Variants in ZCWPW2 observed in about 807,000 individuals in gnomAD.
ZCWPW2 encodes zinc finger CW-type and PWWP domain containing 2.
A neutral mutation model predicts 46.6 loss-of-function variants in ZCWPW2; 45 were observed. That is an observed-to-expected ratio of 0.96 (90% CI 0.76 to 1.24). ZCWPW2 has a LOEUF of 1.24. Among genes scored for constraint, ZCWPW2 ranks in the 50% most tolerant of loss-of-function variants. The pLI, the probability that ZCWPW2 is intolerant of heterozygous loss-of-function variation, is 0.00. For synonymous variants in ZCWPW2, 152 were observed against 137.1 expected, an observed-to-expected ratio of 1.11 and a Z score of -0.76; for missense variants, 429 against 403.9, an observed-to-expected ratio of 1.06 and a Z score of -0.53.
At chr3:28,436,435 C>T (rs1697503154) in intron 4 of ZCWPW2, among the ~76,000 whole-genome samples, 1 of 149,764 alleles carries the variant, frequency 6.7e-6, no homozygotes, top group Non-Finnish European at 1.5e-5. Flanking sequence ...CTGTGCCCAG[C>T]TGGATGTTTT....
At chr3:28,436,603 A>G (rs1346587409) in intron 4 of ZCWPW2, among the ~76,000 whole-genome samples, 1 of 152,192 alleles carries the variant, frequency 6.6e-6, no homozygotes, top group African/African-American at 2.4e-5. Context: ...AATATATAGT[A>G]AAAACTATGT....
In ZCWPW2 at chr3:28,525,577, A is replaced by G. The variant is rs1450960577; in HGVS notation, c.*889A>G. Among the ~76,000 whole-genome samples the G allele has an allele frequency of 2.0e-5, 3 of 152,140 alleles. No homozygotes were observed. Among genetic ancestry groups the G allele is most frequent in the Non-Finnish European group, 4.4e-5 (3 of 68,012 alleles). ...AAAAACCAAAGCTTGAGGAGAGAAGAAGTGCACGAGAGCATCACCACAGCG... is the reference window on the plus strand; with the variant it reads ...AAAAACCAAAGCTTGAGGAGAGAAGGAGTGCACGAGAGCATCACCACAGCG... On this transcript the variant is annotated 3_prime_UTR_variant, in exon 10 of 10. Transcript: ENST00000383768.
intron 1 of ZCWPW2, among the ~76,000 whole-genome samples, chr3:28,367,635 G>A (rs892041031): frequency 6.6e-6 from 1 of 152,204 alleles, no homozygotes; most frequent in Admixed American, 6.5e-5. Flanking sequence ...ATTTGGGGTG[G>A]AGAGTTCTGT....
In ZCWPW2 at chr3:28,432,322, G is replaced by A. The variant is rs12498121; in HGVS notation, c.333-2788G>A. 7.8e-3 allele frequency among the ~76,000 whole-genome samples: 1,193 copies of A among 152,282 alleles called. 18 individuals are homozygous for A. Among genetic ancestry groups the A allele is most frequent in the African/African-American group, 0.027 (1,141 of 41,552 alleles). On this transcript the variant is annotated intron_variant, in intron 3 of 9. Transcript: ENST00000383768. The stretch of plus-strand genomic sequence containing the variant: ...TGAACTATAACATGTGGGGGCATAC[G>A]AAAGGTAGAGGGGTACAGGATTTGG...
At chr3:28,371,196 T>C (rs1705323586) in intron 1 of ZCWPW2, among the ~76,000 whole-genome samples, 1 of 152,208 alleles carries the variant, frequency 6.6e-6, no homozygotes, top group Non-Finnish European at 1.5e-5. Context: ...TGTTGATGCT[T>C]ATTGCTTGAT....
chr3:28,434,402 A>G (rs2125762622), intron 3 of ZCWPW2, among the ~76,000 whole-genome samples: 1 of 152,382 alleles, frequency 6.6e-6, no homozygotes, highest in South Asian at 2.1e-4. Context: ...GTGGGAAATG[A>G]AGACCAAAGA....
At chr3:28,480,989 C>T (rs988068728) in intron 5 of ZCWPW2, among the ~76,000 whole-genome samples, 1 of 151,426 alleles carries the variant, frequency 6.6e-6, no homozygotes, top group Non-Finnish European at 1.5e-5. Context: ...TCTCAGCCTC[C>T]CGAGTAGTTG....
At chr3:28,518,939 G>A (rs1367263052) in intron 8 of ZCWPW2, among the ~76,000 whole-genome samples, 2 of 152,116 alleles carry the variant, frequency 1.3e-5, no homozygotes, top group Admixed American at 1.3e-4. Context: ...ATTAACAAAA[G>A]TGCTTCAATA....
At chr3:28,426,417 CTG>C (rs1258731976) in intron 3 of ZCWPW2, among the ~76,000 whole-genome samples, 1 of 151,842 alleles carries the variant, frequency 6.6e-6, no homozygotes, top group African/African-American at 2.4e-5. Flanking sequence ...TTTGACAAAG[CTG>C]TGTCATAAAT....
At chr3:28,451,228 G>T (rs1170255990) in intron 4 of ZCWPW2, among the ~76,000 whole-genome samples, 4 of 152,108 alleles carry the variant, frequency 2.6e-5, no homozygotes, top group Admixed American at 2.6e-4. Context: ...CTAAAGATAG[G>T]TAGATCTTTT....
In ZCWPW2 at chr3:28,440,281, T is replaced by TCTTAA. The variant is rs533260728; in HGVS notation, c.492+5015_492+5016insAACTT. ...GAAGCCCAAAGTGTCCAGGTGGCAA[T>TCTTAA]CTTGCAGTTTAATGGAATCGTTGTT... On this transcript the variant is annotated intron_variant, in intron 4 of 9. Transcript: ENST00000383768. 2.5e-3 allele frequency among the ~76,000 whole-genome samples: 386 copies of TCTTAA among 152,304 alleles called. 1 individual carries two copies. The highest frequency in any genetic ancestry group is 8.4e-3 in the African/African-American group (350 of 41,566).
intron 1 of ZCWPW2, among the ~76,000 whole-genome samples, chr3:28,381,785 C>T (rs1177173257): frequency 2.0e-5 from 3 of 151,996 alleles, no homozygotes; most frequent in Admixed American, 6.6e-5. Context: ...ACCCTTATCT[C>T]AAAAACAAAA....
intron 6 of ZCWPW2, among the ~76,000 whole-genome samples, chr3:28,504,695 G>C (rs1005065947): frequency 6.6e-6 from 1 of 152,068 alleles, no homozygotes; most frequent in Non-Finnish European, 1.5e-5. Flanking sequence ...TTGTTCTTAG[G>C]AAAAATCTGT....
intron 8 of ZCWPW2, 119 bp downstream of exon 8, chr3:28,515,740 TGTGTGTATACAC>T: frequency 4.9e-5 from 39 of 792,558 alleles, no homozygotes; most frequent in Non-Finnish European, 6.7e-5. Context: ...TGTGTGTGTG[TGTGTGTATACAC>T]ATATATACAT....
intron 6 of ZCWPW2, among the ~76,000 whole-genome samples, chr3:28,504,110 T>C (rs1056993768): frequency 2.0e-5 from 3 of 151,910 alleles, no homozygotes; most frequent in African/African-American, 7.3e-5. Flanking sequence ...GGTGGGAGGA[T>C]CCCCTGAGCC....
At chr3:28,362,838 A>G (rs1704993353) in intron 1 of ZCWPW2, among the ~76,000 whole-genome samples, 1 of 152,182 alleles carries the variant, frequency 6.6e-6, no homozygotes, top group Non-Finnish European at 1.5e-5. Flanking sequence ...TAGTATGGAT[A>G]AAGAAAATGT....
chr3:28,360,227 C>A (rs1314927766), intron 1 of ZCWPW2, among the ~76,000 whole-genome samples: 1 of 151,594 alleles, frequency 6.6e-6, no homozygotes, highest in East Asian at 1.9e-4. Context: ...CAATTCTGGC[C>A]GGGCGCGGTG....
In ZCWPW2 at chr3:28,526,287, A is replaced by C. The variant is rs1559541096; in HGVS notation, c.*1599A>C. Among the ~76,000 whole-genome samples, 1 of 152,168 alleles carries C rather than the reference A, an allele frequency of 6.6e-6. No homozygotes were observed. The highest frequency in any genetic ancestry group is 2.4e-5 in the African/African-American group (1 of 41,454). On this transcript the variant is annotated 3_prime_UTR_variant, in exon 10 of 10. Transcript: ENST00000383768. The stretch of plus-strand genomic sequence containing the variant: ...AAATGATCAGTTTTCTTTCTGTTAT[A>C]TCATTTAATCTACTACTCATCAATA...
chr3:28,361,276 A>G (rs1412972837), intron 1 of ZCWPW2, among the ~76,000 whole-genome samples: 1 of 152,230 alleles, frequency 6.6e-6, no homozygotes, highest in Non-Finnish European at 1.5e-5. Flanking sequence ...CATAATAGGT[A>G]AAGGATAGTC....
Sources: gnomAD v4.1 joint callset for allele counts (sites outside exome capture counted in the v4.1 genomes callset) on GRCh38, gnomAD v4.1.1 for gene constraint, MANE v1.5 for transcripts, NCBI Gene and HGNC (gene_info 2026-07-23, HGNC 2026-07-21) for gene names.